TMUB1: variants seen among roughly 807,000 people sequenced by gnomAD.
The protein encoded by TMUB1 is transmembrane and ubiquitin-like domain-containing protein 1.
Under a neutral mutation model 16.2 loss-of-function variants are expected in TMUB1, and 9 were observed. The ratio of observed to expected loss-of-function variants is 0.55; its 90% CI spans 0.33 to 0.97. TMUB1 has a LOEUF of 0.97. Ranked by LOEUF, TMUB1 falls within the 50% of genes least tolerant of loss-of-function variation. TMUB1 has a pLI of 0.03. For synonymous variants in TMUB1, 155 were observed against 152.2 expected (o/e 1.02, Z -0.13); for missense variants, 309 against 313.5 (o/e 0.99, Z 0.11).
chr7:151,082,380 T>C lies in TMUB1; in HGVS notation c.184A>G (p.Met62Val). The C allele has an allele frequency of 6.3e-7, 1 of 1,598,720 alleles. No individual in the cohort carries two copies. The highest frequency in any genetic ancestry group is 8.5e-7 in the Non-Finnish European group (1 of 1,172,824). Residue 62 changes from methionine (M) to valine (V), a missense_variant, in exon 2 of 3, where the codon ATG (methionine) becomes GTG (valine). Met to Val is a conservative substitution (Grantham distance 21). Transcript: ENST00000297533. This position sits in a 1 kb window ranked among gnomAD's most constrained non-coding sequence, Gnocchi z 7.0. ...PSAAMAATDSMRGEAPGAETP... is the reference protein window; with the variant it reads ...PSAAMAATDSVRGEAPGAETP... Reference sequence around the variant, plus strand: ...TCTGCCCCTGGGGCCTCCCCTCTCATGCTGTCGGTAGCTGCCATGGCTGCG... The same window carrying C: ...TCTGCCCCTGGGGCCTCCCCTCTCACGCTGTCGGTAGCTGCCATGGCTGCG...
Position 151,081,387 on chromosome 7 carries a change from C to A in TMUB1, c.*162G>T. 8.3e-7 allele frequency: 1 copy of A among 1,208,028 alleles called. No homozygotes were observed. The highest frequency in any genetic ancestry group is 3.6e-5 in the East Asian group (1 of 28,072). 74.8% of individuals were successfully genotyped at this position (1,208,028 alleles called of 1,614,324 possible). ...GAGCCCCGGCGGTCGCAGGGCGGGG[C>A]CTCCGCCAGTCCCGGGAGTCCTCTG... On this transcript the variant is annotated 3_prime_UTR_variant, in exon 3 of 3. Transcript: ENST00000297533. This position sits in a 1 kb window ranked among gnomAD's most constrained non-coding sequence, Gnocchi z 7.6.
Position 151,082,032 on chromosome 7 carries a change from G to T in TMUB1, c.390-132C>A. ...CTGGCCTGGGAGGGGCCGTCTGCCA[G>T]GGGAACAAGTACAGTTGTGATCTGG... is the stretch of plus-strand genomic sequence containing the variant. On this transcript the variant is annotated intron_variant, in intron 2 of 2. Coordinates refer to ENST00000297533, the MANE Select transcript of TMUB1 (RefSeq NM_001136044.2). This position sits in a 1 kb window ranked among gnomAD's most constrained non-coding sequence, Gnocchi z 7.0. 1 of 1,403,682 alleles carries T rather than the reference G, an allele frequency of 7.1e-7. No homozygotes were observed. Among genetic ancestry groups the T allele is most frequent in the East Asian group, 2.4e-5 (1 of 41,662 alleles). The allele number at this position is 1,403,682 out of a possible 1,614,324, so 87.0% of individuals were successfully genotyped here.
Position 151,082,780 on chromosome 7 carries a change from C to G in TMUB1, c.-30-187G>C, listed in dbSNP as rs114649980. Reference sequence around the variant, plus strand: ...CAAACTTGCCTCCGGGTGCCCCTTCCCATCGCCGAATCCCAAGTCCTAACT... The same window carrying G: ...CAAACTTGCCTCCGGGTGCCCCTTCGCATCGCCGAATCCCAAGTCCTAACT... On this transcript the variant is annotated intron_variant, in intron 1 of 2. Coordinates refer to ENST00000297533, the MANE Select transcript of TMUB1 (RefSeq NM_001136044.2). This position sits in a 1 kb window ranked among gnomAD's most constrained non-coding sequence, Gnocchi z 7.0. 1.6e-3 allele frequency: 654 copies of G among 417,558 alleles called. 3 individuals carry two copies. The highest frequency in any genetic ancestry group is 0.012 in the African/African-American group (605 of 48,922). 25.9% of individuals were successfully genotyped at this position (417,558 alleles called of 1,614,324 possible). A position where few individuals can be genotyped will look rare whatever the true frequency, so the allele number is the denominator to read the frequency against.
Position 151,082,922 on chromosome 7 carries a change from A to C in TMUB1, c.-30-329T>G. On this transcript the variant is annotated intron_variant, in intron 1 of 2. Transcript: ENST00000297533. The surrounding 1 kb of genome is among the most constrained non-coding windows in gnomAD (Gnocchi z 7.0). Reference sequence around the variant, plus strand: ...TTCACCCCAACCAAACTTCACCCCCAAGCGTATCTATTCTCCTGCCCACTT... The same window carrying C: ...TTCACCCCAACCAAACTTCACCCCCCAGCGTATCTATTCTCCTGCCCACTT... 9.0e-6 allele frequency: 2 copies of C among 221,346 alleles called. No homozygotes were observed. Among genetic ancestry groups the C allele is most frequent in the Non-Finnish European group, 1.8e-5 (2 of 113,656 alleles). The allele number at this position is 221,346 out of a possible 1,614,324, so 13.7% of individuals were successfully genotyped here. A position where few individuals can be genotyped will look rare whatever the true frequency, so the allele number is the denominator to read the frequency against.
chr7:151,082,127 C>G lies in TMUB1; in HGVS notation c.389+48G>C, dbSNP rs1798009116. 9 of 1,493,278 alleles carry G rather than the reference C, an allele frequency of 6.0e-6. No individual in the cohort carries two copies. The highest frequency in any genetic ancestry group is 8.0e-6 in the Non-Finnish European group (9 of 1,121,804). The allele number at this position is 1,493,278 out of a possible 1,614,324, so 92.5% of individuals were successfully genotyped here. ...TCTCTGGGGGCCTTCTGCGACCACT[C>G]TCCCAACCCCTGTCTTTAGCATTGC... is the stretch of plus-strand genomic sequence containing the variant. On this transcript the variant is annotated intron_variant, in intron 2 of 2. Coordinates refer to ENST00000297533, the MANE Select transcript of TMUB1 (RefSeq NM_001136044.2). This position sits in a 1 kb window ranked among gnomAD's most constrained non-coding sequence, Gnocchi z 7.0.
At position 151,081,980 on chromosome 7, in the gene TMUB1, C is replaced by T; in HGVS notation, c.390-80G>A. The T allele has an allele frequency of 1.4e-6, 2 of 1,413,622 alleles. No homozygotes were observed. The highest frequency in any genetic ancestry group is 1.4e-5 in the African/African-American group (1 of 69,690). 87.6% of individuals were successfully genotyped at this position (1,413,622 alleles called of 1,614,324 possible). On this transcript the variant is annotated intron_variant, in intron 2 of 2. Transcript: ENST00000297533. The surrounding 1 kb of genome is among the most constrained non-coding windows in gnomAD (Gnocchi z 7.6). ...GGCCCCGGAACAGCACTCCCACCCT[C>T]CCCCTGCCCTCCACAACACACCGGC...
Position 151,081,678 on chromosome 7 carries a change from GAGCAGCAGGGGC to G in TMUB1, c.600_611del (p.Pro201_Leu204del), listed in dbSNP as rs1797991938. The G allele has an allele frequency of 3.1e-6, 5 of 1,589,604 alleles. No individual in the cohort carries two copies. The highest frequency in any genetic ancestry group is 1.3e-5 in the African/African-American group (1 of 74,712). Reference sequence around the variant, plus strand: ...AGTACCAGAGCAGCAGCAACAGCAGGAGCAGCAGGGGCAGCAGCAGGCTGCCGATTTCCAGCC... The same window carrying G: ...AGTACCAGAGCAGCAGCAACAGCAGGAGCAGCAGGCTGCCGATTTCCAGCC... On this transcript the variant is annotated inframe_deletion, in exon 3 of 3. Transcript: ENST00000297533. This position sits in a 1 kb window ranked among gnomAD's most constrained non-coding sequence, Gnocchi z 7.6.
chr7:151,081,626 GA>G lies in TMUB1; in HGVS notation c.663del (p.Leu223Ter), dbSNP rs1797989694. On this transcript the variant is annotated frameshift_variant, in exon 3 of 3. Transcript: ENST00000297533. LOFTEE classifies it high-confidence loss of function. This position sits in a 1 kb window ranked among gnomAD's most constrained non-coding sequence, Gnocchi z 7.6. The stretch of plus-strand genomic sequence containing the variant: ...GCCAGGCCCAGAGTGGCGGTCAGGG[GA>G]AAGAAGGGCCGGTACTGGATCTGGC... ...WYCQIQYRPF[F>X]PLTATLGLAG... is the part of the protein sequence containing the mutation. 6.2e-7 allele frequency: 1 copy of G among 1,603,762 alleles called. No homozygotes were observed. The highest frequency in any genetic ancestry group is 1.3e-5 in the African/African-American group (1 of 74,878).
rs370746188 is a variant in TMUB1, at chr7:151,081,771, C to T, written c.519G>A (p.Thr173=). Residue 173 remains threonine, a synonymous_variant, in exon 3 of 3, where the codon ACG becomes ACA. Transcript: ENST00000297533. The surrounding 1 kb of genome is among the most constrained non-coding windows in gnomAD (Gnocchi z 7.6). Reference sequence around the variant, plus strand: ...AGGGGGGATTTGGGGGACCGACTCTCGTGGACACGTGGCAGTGGAGAACGC... The same window carrying T: ...AGGGGGGATTTGGGGGACCGACTCTTGTGGACACGTGGCAGTGGAGAACGC... ...PNCVLHCHVS[T]RVGPPNPPCP... 3.6e-5 allele frequency: 57 copies of T among 1,594,548 alleles called. No individual in the cohort carries two copies. The highest frequency in any genetic ancestry group is 4.8e-5 in the Non-Finnish European group (56 of 1,171,860).
rs1190828390 is a variant in TMUB1, at chr7:151,081,376, G to A, written c.*173C>T. Reference sequence around the variant, plus strand: ...GAGGTGGCCCCGAGCCCCGGCGGTCGCAGGGCGGGGCCTCCGCCAGTCCCG... The same window carrying A: ...GAGGTGGCCCCGAGCCCCGGCGGTCACAGGGCGGGGCCTCCGCCAGTCCCG... On this transcript the variant is annotated 3_prime_UTR_variant, in exon 3 of 3. Transcript: ENST00000297533. This position sits in a 1 kb window ranked among gnomAD's most constrained non-coding sequence, Gnocchi z 7.6. The A allele has an allele frequency of 1.9e-5, 22 of 1,166,652 alleles. No individual in the cohort carries two copies. The highest frequency in any genetic ancestry group is 2.4e-5 in the Non-Finnish European group (22 of 935,426). The allele number at this position is 1,166,652 out of a possible 1,614,324, so 72.3% of individuals were successfully genotyped here.
At position 151,082,450 on chromosome 7, in the gene TMUB1, G is replaced by A. The variant is rs777815050; in HGVS notation, c.114C>T (p.Asp38=). 5.0e-6 allele frequency: 8 copies of A among 1,607,774 alleles called. No individual in the cohort carries two copies. The African/African-American group carries it at 5.3e-5, about 11-fold the overall frequency. ...WVSTHTAEGG[D]PLPQPSGTPT... ...GGGTCCCTGACGGCTGGGGCAGTGG[G>A]TCCCCGCCCTCAGCGGTGTGCGTTG... The change falls in exon 2 of 3, where the codon GAC becomes GAT. Residue 38 remains aspartate, a synonymous_variant. Coordinates refer to ENST00000297533, the MANE Select transcript of TMUB1 (RefSeq NM_001136044.2). This position sits in a 1 kb window ranked among gnomAD's most constrained non-coding sequence, Gnocchi z 7.0.
chr7:151,081,264 G>A lies in TMUB1; in HGVS notation c.*285C>T, dbSNP rs560859517. ...CTAAGACGGGCCCCCGGGGCGGCCC[G>A]GCTCTGCCCGGGGCCGAGGCAGCGA... On this transcript the variant is annotated 3_prime_UTR_variant, in exon 3 of 3. Transcript: ENST00000297533. This position sits in a 1 kb window ranked among gnomAD's most constrained non-coding sequence, Gnocchi z 7.6. The A allele has an allele frequency of 4.4e-5, 12 of 272,344 alleles. No individual in the cohort carries two copies. In the East Asian group the frequency reaches 9.0e-4, roughly 20 times the overall value. The allele number at this position is 272,344 out of a possible 1,614,324, so 16.9% of individuals were successfully genotyped here.
At position 151,081,339 on chromosome 7, in the gene TMUB1, C is replaced by T; in HGVS notation, c.*210G>A. The T allele has an allele frequency of 1.1e-6, 1 of 899,378 alleles. No homozygotes were observed. Among genetic ancestry groups the T allele is most frequent in the Non-Finnish European group, 1.4e-6 (1 of 700,064 alleles). The allele number at this position is 899,378 out of a possible 1,614,324, so 55.7% of individuals were successfully genotyped here. ...CCCACTCCCAGTGCGGGCTGAGGGT[C>T]AGCAGCCCCGGGAGGTGGCCCCGAG... On this transcript the variant is annotated 3_prime_UTR_variant, in exon 3 of 3. Transcript: ENST00000297533. The surrounding 1 kb of genome is among the most constrained non-coding windows in gnomAD (Gnocchi z 7.6).
chr7:151,082,063 T>C lies in TMUB1; in HGVS notation c.389+112A>G. 1 of 1,430,966 alleles carries C rather than the reference T, an allele frequency of 7.0e-7. No individual in the cohort carries two copies. 88.6% of individuals were successfully genotyped at this position (1,430,966 alleles called of 1,614,324 possible). A position where few individuals can be genotyped will look rare whatever the true frequency, so the allele number is the denominator to read the frequency against. On this transcript the variant is annotated intron_variant, in intron 2 of 2. Transcript: ENST00000297533. This position sits in a 1 kb window ranked among gnomAD's most constrained non-coding sequence, Gnocchi z 7.0. ...CAAGTACAGTTGTGATCTGGGGCGC[T>C]CAGCGCCTCCAGTATAAAGGAGGGC...
At position 151,081,747 on chromosome 7, in the gene TMUB1, G is replaced by A. The variant is rs779491324; in HGVS notation, c.543C>T (p.Pro181=). 1.2e-5 allele frequency: 19 copies of A among 1,591,014 alleles called. No individual in the cohort carries two copies. The South Asian group carries it at 1.8e-4, about 15-fold the overall frequency. ...GGCCGGGCTCGGACCCCGGCGGGCAGGGGGGATTTGGGGGACCGACTCTCG... is the reference window on the plus strand; with the variant it reads ...GGCCGGGCTCGGACCCCGGCGGGCAAGGGGGATTTGGGGGACCGACTCTCG... The part of the protein sequence containing the change: ...VSTRVGPPNP[P]CPPGSEPGPS... Residue 181 remains proline, a synonymous_variant, in exon 3 of 3, where the codon CCC becomes CCT. Coordinates refer to ENST00000297533, the MANE Select transcript of TMUB1 (RefSeq NM_001136044.2). This position sits in a 1 kb window ranked among gnomAD's most constrained non-coding sequence, Gnocchi z 7.6.
rs150093605 is a variant in TMUB1, at chr7:151,082,421, G to C, written c.143C>G (p.Thr48Arg). ...CATGGCTGCGCTGGGCTGGGATGGC[G>C]TTGGGGTCCCTGACGGCTGGGGCAG... ...DPLPQPSGTP[T>R]PSQPSAAMAA... Residue 48 changes from threonine (T) to arginine (R), a missense_variant, in exon 2 of 3, where the codon ACG becomes AGG. Transcript: ENST00000297533. This position sits in a 1 kb window ranked among gnomAD's most constrained non-coding sequence, Gnocchi z 7.0. 16 of 1,608,896 alleles carry C rather than the reference G, an allele frequency of 9.9e-6. No homozygotes were observed. The African/African-American group carries it at 1.7e-4, about 17-fold the overall frequency.
chr7:151,081,704 C>A lies in TMUB1; in HGVS notation c.586G>T (p.Gly196Cys). 1 of 1,581,970 alleles carries A rather than the reference C, an allele frequency of 6.3e-7. No individual in the cohort carries two copies. Among genetic ancestry groups the A allele is most frequent in the East Asian group, 2.3e-5 (1 of 43,876 alleles). ...AGCAGCAGGGGCAGCAGCAGGCTGCCGATTTCCAGCCCGGAGGGGCCGGGC... is the reference window on the plus strand; with the variant it reads ...AGCAGCAGGGGCAGCAGCAGGCTGCAGATTTCCAGCCCGGAGGGGCCGGGC... ...SEPGPSGLEI[G>C]SLLLPLLLLL... Residue 196 changes from glycine to cysteine, a missense_variant, in exon 3 of 3, where the codon GGC (glycine) becomes TGC (cysteine). Gly to Cys is a radical substitution (Grantham distance 159, BLOSUM62 -3). Coordinates refer to ENST00000297533, the MANE Select transcript of TMUB1 (RefSeq NM_001136044.2). This position sits in a 1 kb window ranked among gnomAD's most constrained non-coding sequence, Gnocchi z 7.6.
Position 151,081,361 on chromosome 7 carries a change from C to T in TMUB1, c.*188G>A, listed in dbSNP as rs1343179516. On this transcript the variant is annotated 3_prime_UTR_variant, in exon 3 of 3. Transcript: ENST00000297533. This position sits in a 1 kb window ranked among gnomAD's most constrained non-coding sequence, Gnocchi z 7.6. Reference sequence around the variant, plus strand: ...GGTCAGCAGCCCCGGGAGGTGGCCCCGAGCCCCGGCGGTCGCAGGGCGGGG... The same window carrying T: ...GGTCAGCAGCCCCGGGAGGTGGCCCTGAGCCCCGGCGGTCGCAGGGCGGGG... The T allele has an allele frequency of 1.0e-5, 11 of 1,103,322 alleles. No homozygotes were observed. Among genetic ancestry groups the T allele is most frequent in the Non-Finnish European group, 1.2e-5 (11 of 880,018 alleles). The allele number at this position is 1,103,322 out of a possible 1,614,324, so 68.3% of individuals were successfully genotyped here. A position where few individuals can be genotyped will look rare whatever the true frequency, so the allele number is the denominator to read the frequency against.
At position 151,081,758 on chromosome 7, in the gene TMUB1, G is replaced by A; in HGVS notation, c.532C>T (p.Pro178Ser). 1 of 1,593,810 alleles carries A rather than the reference G, an allele frequency of 6.3e-7. No individual in the cohort carries two copies. The highest frequency in any genetic ancestry group is 8.5e-7 in the Non-Finnish European group (1 of 1,171,630). Residue 178 changes from proline to serine, a missense_variant, in exon 3 of 3, where the codon CCA (proline) becomes TCA (serine). By Grantham distance (74) the Pro-to-Ser change is moderately conservative (BLOSUM62 -1). Coordinates refer to ENST00000297533, the MANE Select transcript of TMUB1 (RefSeq NM_001136044.2). This position sits in a 1 kb window ranked among gnomAD's most constrained non-coding sequence, Gnocchi z 7.6. ...GACCCCGGCGGGCAGGGGGGATTTG[G>A]GGGACCGACTCTCGTGGACACGTGG... ...HCHVSTRVGP[P>S]NPPCPPGSEP...
Sources: gnomAD v4.1 joint callset for allele counts on GRCh38, gnomAD v4.1.1 for gene constraint, Gnocchi (gnomAD v3.1) non-coding constraint, MANE v1.5 for transcripts, NCBI Gene and HGNC (gene_info 2026-07-23, HGNC 2026-07-21) for gene names.